Variants in DHX30 observed in about 807,000 individuals in gnomAD.
The protein encoded by DHX30 is DExH-box helicase 30.
In DHX30, 4 loss-of-function variants were observed where a neutral mutation model predicts 116.9. The ratio of observed to expected loss-of-function variants is 0.03; its 90% confidence interval spans 0.02 to 0.08. The LOEUF (loss-of-function observed/expected upper bound fraction) is 0.08, where lower values mean the gene tolerates loss of function less well. Among genes scored for constraint, DHX30 ranks in the 10% least tolerant of loss-of-function variants. The probability of loss-of-function intolerance (pLI) is 1.00; values close to 1 mark genes in which losing one functional copy is unlikely to be tolerated. For missense variants in DHX30, 871 were observed against 1,595.1 expected, an observed-to-expected ratio of 0.55 and a Z score of 7.73; for synonymous variants, 697 against 651.7, an observed-to-expected ratio of 1.07 and a Z score of -1.06.
rs1437957704 is a variant in DHX30, at chr3:47,842,982, C to T, written c.790-124C>T. ...ATGCAGCAGCACCTCTAGCATGGCTCACGCCTGGCACCTGCTGAGATGGTG... is the reference window on the plus strand; with the variant it reads ...ATGCAGCAGCACCTCTAGCATGGCTTACGCCTGGCACCTGCTGAGATGGTG... On this transcript the variant is annotated intron_variant, in intron 8 of 21. Transcript: ENST00000445061. 9 of 1,243,254 alleles carry T rather than the reference C, an allele frequency of 7.2e-6. No individual in the cohort carries two copies. The South Asian group carries it at 8.4e-5, about 12-fold the overall frequency. 77.0% of individuals were successfully genotyped at this position (1,243,254 alleles called of 1,614,324 possible). A position where few individuals can be genotyped will look rare whatever the true frequency, so the allele number is the denominator to read the frequency against.
intron 4 of DHX30, among the ~76,000 whole-genome samples, chr3:47,826,387 T>C (rs2036553315): frequency 6.6e-6 from 1 of 151,844 alleles, no homozygotes; most frequent in South Asian, 2.1e-4. Context: ...TCCCCTTGAT[T>C]CCAGAGAACT....
chr3:47,811,718 C>T (rs2035797225), intron 3 of DHX30, among the ~76,000 whole-genome samples: 2 of 152,024 alleles, frequency 1.3e-5, no homozygotes, highest in Admixed American at 6.6e-5. Flanking sequence ...AGGCGTGTCA[C>T]GTGGCAAAAA....
intron 4 of DHX30, among the ~76,000 whole-genome samples, chr3:47,825,518 C>T (rs1279047479): frequency 6.6e-6 from 1 of 152,220 alleles, no homozygotes; most frequent in African/African-American, 2.4e-5. Context: ...AAAAGTCCAA[C>T]TCCTGCCAGG....
rs1327555167 is a variant in DHX30 at position 47,849,992 on chromosome 3, C to A, written c.3457C>A (p.Leu1153Met). 1 of 1,612,290 alleles carries A rather than the reference C, an allele frequency of 6.2e-7. No individual in the cohort carries two copies. The highest frequency in any genetic ancestry group is 1.7e-5 in the Admixed American group (1 of 59,956). Reference protein sequence around the residue: ...RALGRMVERSLRSELAALPPS... With the variant: ...RALGRMVERSMRSELAALPPS... ...CCTGGGCCGCATGGTGGAGCGGAGC[C>A]TGCGCAGCGAGCTGGCTGCACTTCC... The change falls in exon 22 of 22, where the codon CTG becomes ATG. Residue 1153 changes from leucine to methionine, a missense_variant. Leu to Met is a conservative substitution (Grantham distance 15). This residue lies in a region of DHX30 where 238 missense variants were observed against 481.0 expected (regional missense o/e 0.49). Coordinates refer to ENST00000445061, the MANE Select transcript of DHX30 (RefSeq NM_138615.3).
chr3:47,845,260 T>C (rs1206666644), intron 9 of DHX30, among the ~76,000 whole-genome samples: 1 of 152,164 alleles, frequency 6.6e-6, no homozygotes, highest in African/African-American at 2.4e-5. Context: ...TGATCTCGGC[T>C]CACTGCAACC....
At chr3:47,844,676 G>A (rs552917584) in intron 9 of DHX30, among the ~76,000 whole-genome samples, 112 of 152,330 alleles carry the variant, frequency 7.4e-4, no homozygotes, top group Non-Finnish European at 1.4e-3. Flanking sequence ...TCTGGGCTCC[G>A]AAGGGTGAGC....
chr3:47,840,601 A>G (rs1451985561), intron 6 of DHX30, among the ~76,000 whole-genome samples: 3 of 151,884 alleles, frequency 2.0e-5, no homozygotes, highest in African/African-American at 7.3e-5. Context: ...GTGCCACTGC[A>G]CTCCAGTCTG....
Position 47,847,187 on chromosome 3 carries a change from T to G in DHX30, c.1930-86T>G. ...AGGATTGGAGTTGATGTCAAGCGGC[T>G]CCGTCTCACTGAGTCAGGTGGCTGT... On this transcript the variant is annotated intron_variant, in intron 11 of 21. Transcript: ENST00000445061. The surrounding 1 kb of genome is among the most constrained non-coding windows in gnomAD (Gnocchi z 5.5). 6.4e-7 allele frequency: 1 copy of G among 1,564,634 alleles called. No homozygotes were observed. Among genetic ancestry groups the G allele is most frequent in the African/African-American group, 1.3e-5 (1 of 74,112 alleles).
At chr3:47,823,730 T>C (rs2036405468) in intron 4 of DHX30, among the ~76,000 whole-genome samples, 1 of 152,184 alleles carries the variant, frequency 6.6e-6, no homozygotes, top group Non-Finnish European at 1.5e-5. Flanking sequence ...AAAAATAGTA[T>C]AATGAACCTG....
chr3:47,826,368 C>G (rs1258974372), intron 4 of DHX30, among the ~76,000 whole-genome samples: 1 of 151,820 alleles, frequency 6.6e-6, no homozygotes, highest in African/African-American at 2.4e-5. Context: ...GTATCTGATG[C>G]ATCAATTTTC....
chr3:47,845,938 C>CAGT (rs2037585551), intron 10 of DHX30, 86 bp downstream of exon 10: 3 of 1,518,516 alleles, frequency 2.0e-6, no homozygotes, highest in Admixed American at 2.0e-5. Flanking sequence ...CTGCGACAGG[C>CAGT]AGTAGTACCT....
intron 4 of DHX30, among the ~76,000 whole-genome samples, chr3:47,820,668 T>G (rs2036255065): frequency 2.0e-5 from 3 of 152,302 alleles, no homozygotes; most frequent in Admixed American, 6.5e-5. Flanking sequence ...TCCCGTGTAT[T>G]CAGCAGATCC....
intron 1 of DHX30, among the ~76,000 whole-genome samples, chr3:47,803,467 C>T (rs1240189790): frequency 6.6e-6 from 1 of 152,134 alleles, no homozygotes; most frequent in African/African-American, 2.4e-5. Context: ...CAGACCGGTC[C>T]GCCGGGGCGG....
rs2038091377 is a variant in DHX30 at position 47,850,174 on chromosome 3, G to A, written c.*54G>A. The A allele has an allele frequency of 2.7e-6, 4 of 1,498,536 alleles. No individual in the cohort carries two copies. The highest frequency in any genetic ancestry group is 3.6e-6 in the Non-Finnish European group (4 of 1,123,400). The allele number at this position is 1,498,536 out of a possible 1,614,324, so 92.8% of individuals were successfully genotyped here. ...AGTGCAAATGTTTATTTAAAATAAAGTTCTATTTATCCCTTGTGACCACTG... is the reference window on the plus strand; with the variant it reads ...AGTGCAAATGTTTATTTAAAATAAAATTCTATTTATCCCTTGTGACCACTG... On this transcript the variant is annotated 3_prime_UTR_variant, in exon 22 of 22. Coordinates refer to ENST00000445061, the MANE Select transcript of DHX30 (RefSeq NM_138615.3).
chr3:47,827,095 C>T (rs2036585986), intron 4 of DHX30, among the ~76,000 whole-genome samples: 1 of 152,118 alleles, frequency 6.6e-6, no homozygotes, highest in South Asian at 2.1e-4. Flanking sequence ...GAAGAGGATG[C>T]TGGTAGGATC....
intron 6 of DHX30, among the ~76,000 whole-genome samples, chr3:47,840,528 T>G (rs2037326812): frequency 1.3e-5 from 2 of 151,662 alleles, no homozygotes; most frequent in Admixed American, 1.3e-4. Context: ...CCCAGTTACT[T>G]TGGAAGTTGA....
intron 4 of DHX30, among the ~76,000 whole-genome samples, chr3:47,820,946 TTTTATTTA>T (rs538102799): frequency 4.0e-5 from 6 of 151,358 alleles, no homozygotes; most frequent in Non-Finnish European, 7.4e-5. Flanking sequence ...TTCTTTCTAT[TTTTATTTA>T]TTTATTTATT....
chr3:47,843,568 TGA>T (rs916737705), intron 9 of DHX30, among the ~76,000 whole-genome samples: 2 of 152,222 alleles, frequency 1.3e-5, no homozygotes, highest in African/African-American at 2.4e-5. Context: ...GGGCCTGTTT[TGA>T]GAGGCAGACC....
intron 3 of DHX30, among the ~76,000 whole-genome samples, chr3:47,813,396 G>GT (rs1396983416): frequency 1.3e-5 from 2 of 152,200 alleles, no homozygotes; most frequent in African/African-American, 4.8e-5. Context: ...AGCACACTGA[G>GT]TGAGGGGGTT....
Sources: allele counts gnomAD v4.1 joint callset (sites outside exome capture counted in the v4.1 genomes callset), GRCh38; gene constraint gnomAD v4.1.1; regional missense constraint gnomAD v4.1.1; non-coding constraint Gnocchi (gnomAD v3.1); transcripts MANE v1.5; gene names NCBI Gene and HGNC (gene_info 2026-07-23, HGNC 2026-07-21).